The following BRCA1 variants were observed in gnomAD, a reference collection of about 807,000 sequenced individuals.
BRCA1 encodes BRCA1 DNA repair associated.
In BRCA1, 140 loss-of-function variants were observed where a neutral mutation model predicts 173.7. The ratio of observed to expected loss-of-function variants is 0.81; its 90% CI spans 0.70 to 0.93. The LOEUF is 0.93. Among genes scored for constraint, BRCA1 ranks in the 40% least tolerant of loss-of-function variants. The probability of loss-of-function intolerance (pLI) is 0.00; values close to 1 mark genes in which losing one functional copy is unlikely to be tolerated. For missense variants in BRCA1, 1,983 were observed against 2,172.5 expected (o/e 0.91, Z 1.73); for synonymous variants, 662 against 756.0 (o/e 0.88, Z 2.04).
At chr17:43,165,485 G>GT (rs59461861) in intron 1 of BRCA1, among the ~76,000 whole-genome samples, 149,083 of 149,728 alleles carry the variant, frequency 1, 74,220 homozygotes, top group South Asian at 1. Flanking sequence ...CATATAAACT[G>GT]TTTTTTTTTT....
intron 1 of BRCA1, chr17:43,164,484 G>C (rs373861344): frequency 1.8e-4 from 28 of 152,318 alleles, no homozygotes; most frequent in African/African-American, 6.7e-4. Flanking sequence ...AAATGCAATA[G>C]TTTGAGGTGA....
intron 7 of BRCA1, 147 bp from the exon 8 acceptor site, chr17:43,097,436 A>G (rs2054188875): frequency 1.3e-6 from 1 of 762,216 alleles, no homozygotes; most frequent in Admixed American, 2.1e-5. Context: ...TTAAGCTAGT[A>G]TGTAATACAG....
chr17:43,080,309 A>G (rs2052944866), intron 12 of BRCA1, among the ~76,000 whole-genome samples: 1 of 152,170 alleles, frequency 6.6e-6, no homozygotes, highest in Non-Finnish European at 1.5e-5. Context: ...TAGGCCAGGC[A>G]CCGTAGCTCC....
chr17:43,092,177 CT>C lies in BRCA1; in HGVS notation c.3353del (p.Gln1118ArgfsTer11). 6.2e-7 allele frequency: 1 copy of C among 1,613,292 alleles called. No individual in the cohort carries two copies. Among genetic ancestry groups the C allele is most frequent in the Non-Finnish European group, 8.5e-7 (1 of 1,179,936 alleles). ...IKKQEYEEVVQTVNTDFSPYL... is the reference protein window; with the variant it reads ...IKKQEYEEVVXTVNTDFSPYL... ...ATGGAGAGAAATCTGTATTAACAGT[CT>C]GAACTACTTCTTCATATTCTTGCTT... is the stretch of plus-strand genomic sequence containing the variant. On this transcript the variant is annotated frameshift_variant, in exon 10 of 23. Transcript: ENST00000357654. LOFTEE classifies it high-confidence loss of function.
chr17:43,091,232 G>C, intron 10 of BRCA1, 200 bp from the exon 11 acceptor site: 3 of 860,066 alleles, frequency 3.5e-6, no homozygotes, highest in Non-Finnish European at 5.6e-6. Flanking sequence ...GGATGTTAAA[G>C]CTCATTCAGT....
intron 3 of BRCA1, among the ~76,000 whole-genome samples, chr17:43,110,918 T>C (rs2154560390): frequency 6.6e-6 from 1 of 152,024 alleles, no homozygotes; most frequent in East Asian, 1.9e-4. Flanking sequence ...CTTGTCAACA[T>C]GGTGAAACCC....
rs1465372282 is a variant in BRCA1 at position 43,094,584 on chromosome 17, C to T, written c.947G>A (p.Ser316Asn). ...ACTTCCAGCCCATCTGTTATGTTGG[C>T]TCCTTGCTAAGCCAGGCTGTTTGCT... ...NKSKQPGLAR[S>N]QHNRWAGSKE... Residue 316 changes from serine (S) to asparagine (N), a missense_variant, in exon 10 of 23, where the codon AGC becomes AAC. Physicochemically the swap from Ser to Asn is conservative, Grantham distance 46 (BLOSUM62 1). Coordinates refer to ENST00000357654, the MANE Select transcript of BRCA1 (RefSeq NM_007294.4). The T allele has an allele frequency of 2.5e-6, 4 of 1,614,106 alleles. No homozygotes were observed. In the South Asian group the frequency reaches 4.4e-5, roughly 18 times the overall value.
intron 1 of BRCA1, among the ~76,000 whole-genome samples, chr17:43,169,207 G>A (rs1306983597): frequency 6.6e-6 from 1 of 152,124 alleles, no homozygotes; most frequent in Admixed American, 6.5e-5. Flanking sequence ...GAGACGGAGT[G>A]TCGTTCTGCC....
In BRCA1 at chr17:43,059,469, CACAACAACAACA is replaced by C. The variant is rs746155740; in HGVS notation, c.5194-2346_5194-2335del. 5.5e-4 allele frequency among the ~76,000 whole-genome samples: 81 copies of C among 147,546 alleles called. 1 individual carries two copies. Among genetic ancestry groups the C allele is most frequent in the African/African-American group, 1.2e-3 (46 of 39,786 alleles). On this transcript the variant is annotated intron_variant, in intron 18 of 22. Transcript: ENST00000357654. ...CCTGGGCAACAGAACGAGATGCTGT[CACAACAACAACA>C]ACAACAACAACAACAACAACAACAA...
chr17:43,146,994 C>T (rs1042534789), intron 1 of BRCA1, among the ~76,000 whole-genome samples: 1 of 152,058 alleles, frequency 6.6e-6, no homozygotes, highest in Non-Finnish European at 1.5e-5. Context: ...ACTCCTTGTC[C>T]TGCAGCCTCA....
chr17:43,106,592 C>A, intron 3 of BRCA1, 59 bp from the exon 4 acceptor site: 1 of 1,290,730 alleles, frequency 7.7e-7, no homozygotes, highest in Non-Finnish European at 1.1e-6. Flanking sequence ...AGAAAGAATA[C>A]TCAAAAGGCA....
chr17:43,165,590 C>T (rs1597948540), intron 1 of BRCA1, among the ~76,000 whole-genome samples: 1 of 150,660 alleles, frequency 6.6e-6, no homozygotes, highest in South Asian at 2.1e-4. Flanking sequence ...TCGTGACTTT[C>T]GCAGACAATT....
intron 12 of BRCA1, chr17:43,079,848 G>C (rs1460368256): frequency 1.5e-6 from 1 of 674,578 alleles, no homozygotes; most frequent in East Asian, 2.7e-5. Flanking sequence ...TCTATCACCA[G>C]AACATTTAGC....
At chr17:43,109,323 C>T (rs1338285289) in intron 3 of BRCA1, among the ~76,000 whole-genome samples, 1 of 152,098 alleles carries the variant, frequency 6.6e-6, no homozygotes, top group Non-Finnish European at 1.5e-5. Flanking sequence ...AGAGTAGAGG[C>T]TTGTCCCAGA....
intron 1 of BRCA1, among the ~76,000 whole-genome samples, chr17:43,134,175 G>GT (rs927953991): frequency 2.3e-4 from 35 of 152,204 alleles, no homozygotes; most frequent in South Asian, 1.5e-3. Flanking sequence ...AATGTAAGGG[G>GT]TTTTTTTCCC....
chr17:43,111,689 G>A (rs1371085363), intron 3 of BRCA1, among the ~76,000 whole-genome samples: 2 of 152,086 alleles, frequency 1.3e-5, no homozygotes, highest in African/African-American at 2.4e-5. Flanking sequence ...GGGCGTGGTG[G>A]CAGGCGTCTG....
intron 8 of BRCA1, among the ~76,000 whole-genome samples, chr17:43,097,025 G>C (rs1032222777): frequency 6.6e-6 from 1 of 152,074 alleles, no homozygotes. Flanking sequence ...CAGAAAGAAA[G>C]CAAACAAAAA....
chr17:43,095,226 C>T (rs1400522562), intron 9 of BRCA1, among the ~76,000 whole-genome samples: 1 of 152,130 alleles, frequency 6.6e-6, no homozygotes, highest in Admixed American at 6.6e-5. Context: ...TATCTACAGA[C>T]TTACCACTCC....
intron 15 of BRCA1, among the ~76,000 whole-genome samples, chr17:43,069,239 A>T (rs2052281490): frequency 6.6e-6 from 1 of 152,238 alleles, no homozygotes; most frequent in South Asian, 2.1e-4. Context: ...CAGCCTTGAA[A>T]CTGTTCAGTT....
Sources: allele counts gnomAD v4.1 joint callset (sites outside exome capture counted in the v4.1 genomes callset), GRCh38; gene constraint gnomAD v4.1.1; transcripts MANE v1.5; gene names NCBI Gene and HGNC (gene_info 2026-07-23, HGNC 2026-07-21).